Variants in MORC3 observed in about 807,000 individuals in gnomAD.
MORC3 encodes MORC family CW-type zinc finger protein 3.
In MORC3, 31 loss-of-function variants were observed where a neutral mutation model predicts 109.1. The observed-to-expected ratio is 0.28, with a 90% CI of 0.21 to 0.38. The LOEUF (loss-of-function observed/expected upper bound fraction) is 0.38, where lower values mean the gene tolerates loss of function less well. Ranked by LOEUF, MORC3 falls within the 10% of genes least tolerant of loss-of-function variation. MORC3 has a pLI of 1.00. For missense variants in MORC3, 867 were observed against 1,135.8 expected (o/e 0.76, Z 3.40); for synonymous variants, 395 against 380.7 (o/e 1.04, Z -0.44).
chr21:36,365,167 G>A (rs2085766196), intron 14 of MORC3, among the ~76,000 whole-genome samples: 1 of 152,124 alleles, frequency 6.6e-6, no homozygotes, highest in Admixed American at 6.6e-5. Flanking sequence ...AGGAGTGGAT[G>A]GAGAAGGAAG....
chr21:36,373,296 C>T lies in MORC3; in HGVS notation c.2666+765C>T, dbSNP rs568122434. Among the ~76,000 whole-genome samples, 33 of 151,662 alleles carry T rather than the reference C, an allele frequency of 2.2e-4. 2 individuals are homozygous for T. The South Asian group carries it at 5.4e-3, about 25-fold the overall frequency. ...TGGAGGTTGCAGTGAGCCGAGATTG[C>T]GCCACTGCACTCCAGCCTGGGTGAC... On this transcript the variant is annotated intron_variant, in intron 16 of 16. Coordinates refer to ENST00000400485, the MANE Select transcript of MORC3 (RefSeq NM_015358.3).
chr21:36,342,114 G>C lies in MORC3; in HGVS notation c.756+568G>C, dbSNP rs533411325. On this transcript the variant is annotated intron_variant, in intron 6 of 16. Coordinates refer to ENST00000400485, the MANE Select transcript of MORC3 (RefSeq NM_015358.3). ...ACGGTGGCAGGCACCTGTAATCCCA[G>C]CTACTCGGGAGGCTGAGGCAGGAGA... 2.6e-5 allele frequency among the ~76,000 whole-genome samples: 4 copies of C among 152,184 alleles called. No individual in the cohort carries two copies. In the South Asian group the frequency reaches 8.3e-4, roughly 32 times the overall value.
chr21:36,342,477 A>G (rs1010563332), intron 6 of MORC3, among the ~76,000 whole-genome samples: 1 of 151,990 alleles, frequency 6.6e-6, no homozygotes, highest in East Asian at 1.9e-4. Context: ...ATCTCAGCTC[A>G]CTGCAGCCTC....
intron 8 of MORC3, chr21:36,348,135 C>A (rs1038844447): frequency 6.6e-6 from 1 of 152,258 alleles, no homozygotes; most frequent in Non-Finnish European, 1.5e-5. Flanking sequence ...GTTAGTCACA[C>A]GTAGATAATC....
intron 3 of MORC3, among the ~76,000 whole-genome samples, chr21:36,337,391 C>T (rs574008243): frequency 3.3e-5 from 5 of 152,238 alleles, no homozygotes; most frequent in African/African-American, 1.2e-4. Context: ...ATGGGTTATA[C>T]TCAGCTATTT....
At chr21:36,335,516 A>G (rs1279067375) in intron 2 of MORC3, among the ~76,000 whole-genome samples, 3 of 152,014 alleles carry the variant, frequency 2.0e-5, no homozygotes, top group Non-Finnish European at 4.4e-5. Context: ...GGGTTTCACC[A>G]TATTGGTCAG....
At chr21:36,370,457 A>C (rs1191835908) in intron 15 of MORC3, among the ~76,000 whole-genome samples, 1 of 151,724 alleles carries the variant, frequency 6.6e-6, no homozygotes, top group Non-Finnish European at 1.5e-5. Flanking sequence ...TCATTAATAC[A>C]GTTAATTATG....
rs775405047 is a variant in MORC3, at chr21:36,372,408, G to T, written c.2543G>T (p.Arg848Leu). ...CTGGAAATGGAAAAGTCACAAATCC[G>T]TTCACAGTGTGAAGAACTCAAAACT... is the stretch of plus-strand genomic sequence containing the variant. ...ELLEMEKSQI[R>L]SQCEELKTEV... is the part of the protein sequence containing the mutation. Residue 848 changes from arginine to leucine, a missense_variant, in exon 16 of 17, where the codon CGT becomes CTT. Coordinates refer to ENST00000400485, the MANE Select transcript of MORC3 (RefSeq NM_015358.3). 4 of 1,592,924 alleles carry T rather than the reference G, an allele frequency of 2.5e-6. No individual in the cohort carries two copies. The highest frequency in any genetic ancestry group is 4.5e-5 in the East Asian group (2 of 44,276).
chr21:36,326,063 T>C (rs970577814), intron 1 of MORC3, among the ~76,000 whole-genome samples: 1 of 149,110 alleles, frequency 6.7e-6, no homozygotes, highest in African/African-American at 2.5e-5. Flanking sequence ...AAAAATTATT[T>C]GGGCATGGTG....
chr21:36,326,367 T>TA (rs1413497353), intron 1 of MORC3, among the ~76,000 whole-genome samples: 4 of 149,052 alleles, frequency 2.7e-5, no homozygotes, highest in South Asian at 2.1e-4. Flanking sequence ...TTACCAAAAA[T>TA]AAAAAAAAAT....
At chr21:36,346,881 T>C (rs2085513839) in intron 8 of MORC3, among the ~76,000 whole-genome samples, 1 of 151,208 alleles carries the variant, frequency 6.6e-6, no homozygotes, top group Non-Finnish European at 1.5e-5. Flanking sequence ...TTGTACGTCC[T>C]TGTAGTCTTA....
At chr21:36,352,108 A>G (rs943925828) in intron 9 of MORC3, among the ~76,000 whole-genome samples, 7 of 152,248 alleles carry the variant, frequency 4.6e-5, no homozygotes, top group African/African-American at 1.7e-4. Flanking sequence ...GGTGGTTTTA[A>G]TGTAAGAAAT....
chr21:36,375,348 C>A lies in MORC3; in HGVS notation c.*52C>A. 2 of 1,475,710 alleles carry A rather than the reference C, an allele frequency of 1.4e-6. No homozygotes were observed. Among genetic ancestry groups the A allele is most frequent in the Non-Finnish European group, 1.8e-6 (2 of 1,085,080 alleles). 91.4% of individuals were successfully genotyped at this position (1,475,710 alleles called of 1,614,324 possible). ...TTGCTCAATTCTTTTGGTTGTACAG[C>A]TTTCAAAATATAATTAATTTTGTTT... On this transcript the variant is annotated 3_prime_UTR_variant, in exon 17 of 17. Coordinates refer to ENST00000400485, the MANE Select transcript of MORC3 (RefSeq NM_015358.3).
intron 13 of MORC3, among the ~76,000 whole-genome samples, chr21:36,362,513 G>A (rs998553148): frequency 6.6e-6 from 1 of 151,922 alleles, no homozygotes; most frequent in African/African-American, 2.4e-5. Flanking sequence ...ATTGCACTGC[G>A]GTCTGGGCCA....
At position 36,369,199 on chromosome 21, in the gene MORC3, G is replaced by C; in HGVS notation, c.1831G>C (p.Glu611Gln). ...CGTTGAGCAAGGTGGTGTTCAGGTTGAGTTTGTGGGTGACAGTGAACCTTG... is the reference window on the plus strand; with the variant it reads ...CGTTGAGCAAGGTGGTGTTCAGGTTCAGTTTGTGGGTGACAGTGAACCTTG... ...SHVEQGGVQV[E>Q]FVGDSEPCGQ... Residue 611 changes from glutamate (E) to glutamine (Q), a missense_variant, in exon 15 of 17, where the codon GAG (glutamate) becomes CAG (glutamine). This residue lies in a region of MORC3 where 486 missense variants were observed against 502.1 expected (regional missense o/e 0.97). Coordinates refer to ENST00000400485, the MANE Select transcript of MORC3 (RefSeq NM_015358.3). 6.2e-7 allele frequency: 1 copy of C among 1,614,168 alleles called. No homozygotes were observed. Among genetic ancestry groups the C allele is most frequent in the Non-Finnish European group, 8.5e-7 (1 of 1,180,032 alleles).
intron 16 of MORC3, among the ~76,000 whole-genome samples, chr21:36,374,391 T>TAA (rs971697221): frequency 1.1e-4 from 17 of 151,260 alleles, no homozygotes; most frequent in African/African-American, 3.6e-4. Context: ...GTGCCCGGCG[T>TAA]AAAAAAAAAG....
chr21:36,320,985 A>T (rs1207229017), intron 1 of MORC3, among the ~76,000 whole-genome samples: 1 of 152,236 alleles, frequency 6.6e-6, no homozygotes, highest in Non-Finnish European at 1.5e-5. Context: ...TCTCACGTCC[A>T]GGAAATGTGG....
chr21:36,322,474 C>T (rs2146281362), intron 1 of MORC3, among the ~76,000 whole-genome samples: 1 of 152,250 alleles, frequency 6.6e-6, no homozygotes, highest in African/African-American at 2.4e-5. Context: ...CGGATTCAAG[C>T]ACTTCTTCTG....
Position 36,369,257 on chromosome 21 carries a change from C to T in MORC3, c.1889C>T (p.Ser630Phe), listed in dbSNP as rs778178127. 1 of 1,614,150 alleles carries T rather than the reference C, an allele frequency of 6.2e-7. No homozygotes were observed. The highest frequency in any genetic ancestry group is 2.2e-5 in the East Asian group (1 of 44,886). Reference sequence around the variant, plus strand: ...ACTGGTTCAACAAGCACCTCATCATCCCGATGCGACCAGGGAAATACTGCA... The same window carrying T: ...ACTGGTTCAACAAGCACCTCATCATTCCGATGCGACCAGGGAAATACTGCA... ...GQTGSTSTSSSRCDQGNTAAT... is the reference protein window; with the variant it reads ...GQTGSTSTSSFRCDQGNTAAT... Residue 630 changes from serine to phenylalanine, a missense_variant, in exon 15 of 17, where the codon TCC becomes TTC. Physicochemically the swap from Ser to Phe is radical, Grantham distance 155. Coordinates refer to ENST00000400485, the MANE Select transcript of MORC3 (RefSeq NM_015358.3).
Sources: gnomAD v4.1 joint callset for allele counts (sites outside exome capture counted in the v4.1 genomes callset) on GRCh38, gnomAD v4.1.1 for gene constraint, gnomAD v4.1.1 regional missense constraint, MANE v1.5 for transcripts, NCBI Gene and HGNC (gene_info 2026-07-23, HGNC 2026-07-21) for gene names.